Variants in ADGRV1 observed in about 807,000 individuals in gnomAD.
ADGRV1 encodes adhesion G protein-coupled receptor V1, also known as G-protein coupled receptor 98.
A neutral mutation model predicts 596.2 loss-of-function variants in ADGRV1; 359 were observed. That is an observed-to-expected ratio of 0.60 (90% CI 0.55 to 0.66). The LOEUF (loss-of-function observed/expected upper bound fraction) is 0.66, where lower values mean the gene tolerates loss of function less well. Ranked by LOEUF, ADGRV1 falls within the 30% of genes least tolerant of loss-of-function variation. ADGRV1 has a pLI of 0.00. For missense variants in ADGRV1, 7,274 were observed against 7,575.6 expected, an observed-to-expected ratio of 0.96 and a Z score of 1.48; for synonymous variants, 2,681 against 2,679.2, an observed-to-expected ratio of 1.00 and a Z score of -0.02.
intron 21 of ADGRV1, among the ~76,000 whole-genome samples, chr5:90,659,345 G>A (rs555735190): frequency 2.8e-4 from 42 of 152,220 alleles, no homozygotes; most frequent in Admixed American, 8.5e-4. Flanking sequence ...ATATAGGTGC[G>A]TTATTAACCA....
chr5:90,869,306 A>G (rs1375860884), intron 83 of ADGRV1, among the ~76,000 whole-genome samples: 1 of 152,192 alleles, frequency 6.6e-6, no homozygotes, highest in Non-Finnish European at 1.5e-5. Flanking sequence ...GGCTGCTTTC[A>G]CTTGAGTAAG....
intron 89 of ADGRV1, among the ~76,000 whole-genome samples, chr5:91,154,347 A>C (rs1796293454): frequency 6.6e-6 from 1 of 152,240 alleles, no homozygotes; most frequent in African/African-American, 2.4e-5. Context: ...TTGGCTATGA[A>C]GTATATTGCT....
At chr5:90,786,052 C>T (rs2945806) in intron 67 of ADGRV1, among the ~76,000 whole-genome samples, 25,193 of 152,020 alleles carry the variant, frequency 0.17, 4,728 homozygotes, top group African/African-American at 0.46. Context: ...ACATATACAC[C>T]ATGGAATACT....
At chr5:90,881,805 G>A (rs1270272557) in intron 83 of ADGRV1, among the ~76,000 whole-genome samples, 1 of 152,072 alleles carries the variant, frequency 6.6e-6, no homozygotes, top group East Asian at 1.9e-4. Flanking sequence ...GATTATTGCA[G>A]CCTCAAATTC....
chr5:90,597,973 G>A (rs1311881138), intron 1 of ADGRV1, among the ~76,000 whole-genome samples: 1 of 152,074 alleles, frequency 6.6e-6, no homozygotes, highest in African/African-American at 2.4e-5. Context: ...AATATTGATG[G>A]GGAATCTGAT....
At chr5:90,963,426 T>C (rs1331894809) in intron 83 of ADGRV1, among the ~76,000 whole-genome samples, 1 of 152,084 alleles carries the variant, frequency 6.6e-6, no homozygotes, top group Admixed American at 6.5e-5. Flanking sequence ...TAATCTCTAA[T>C]AATTCAAAAG....
chr5:90,716,757 G>A, intron 43 of ADGRV1, 28 bp downstream of exon 43: 1 of 1,541,014 alleles, frequency 6.5e-7, no homozygotes, highest in Non-Finnish European at 8.9e-7. Context: ...AATGAGAATG[G>A]AAGTTTATCT....
intron 71 of ADGRV1, among the ~76,000 whole-genome samples, chr5:90,804,271 A>G (rs768646094): frequency 4.6e-5 from 7 of 152,128 alleles, no homozygotes; most frequent in Non-Finnish European, 8.8e-5. Flanking sequence ...ATGTGGTGGC[A>G]TATGCCTGCA....
intron 9 of ADGRV1, chr5:90,629,851 C>T (rs760216091): frequency 2.6e-5 from 5 of 193,352 alleles, no homozygotes; most frequent in Non-Finnish European, 5.3e-5. Context: ...CAAACTATTA[C>T]AGGGGAGGGC....
At chr5:90,707,283 G>C (rs1218058543) in intron 38 of ADGRV1, among the ~76,000 whole-genome samples, 1 of 152,092 alleles carries the variant, frequency 6.6e-6, no homozygotes, top group Non-Finnish European at 1.5e-5. Context: ...AGTTCCAAGA[G>C]GTTTATAAAA....
At chr5:91,075,663 A>C (rs1020242034) in intron 86 of ADGRV1, among the ~76,000 whole-genome samples, 3 of 152,156 alleles carry the variant, frequency 2.0e-5, no homozygotes, top group African/African-American at 7.2e-5. Flanking sequence ...TTATACTTGG[A>C]CTTCCACAGC....
intron 83 of ADGRV1, among the ~76,000 whole-genome samples, chr5:90,896,132 G>A (rs373324539): frequency 2.6e-5 from 4 of 151,700 alleles, no homozygotes; most frequent in East Asian, 1.9e-4. Flanking sequence ...TAATTTAAAT[G>A]CAATAGATCT....
At chr5:91,122,102 ATTTCTGGTACTTTCCTCTTC>A (rs1403324624) in intron 87 of ADGRV1, among the ~76,000 whole-genome samples, 3 of 152,186 alleles carry the variant, frequency 2.0e-5, no homozygotes, top group Admixed American at 6.5e-5. Flanking sequence ...AAATTAGTGA[ATTTCTGGTACTTTCCTCTTC>A]TTTCTGGGTC....
At chr5:90,935,260 T>C (rs1775578016) in intron 83 of ADGRV1, among the ~76,000 whole-genome samples, 1 of 152,244 alleles carries the variant, frequency 6.6e-6, no homozygotes, top group South Asian at 2.1e-4. Context: ...TCAGCTCTAA[T>C]GTTTGTCAAA....
At chr5:91,077,063 T>C (rs1339621412) in intron 86 of ADGRV1, among the ~76,000 whole-genome samples, 1 of 152,188 alleles carries the variant, frequency 6.6e-6, no homozygotes. Context: ...TGCTGACTTG[T>C]AAAATATCCA....
rs538600670 is a variant in ADGRV1, at chr5:90,608,369, A to G, written c.23-6466A>G. ...CAAGAATAAACTAATTCCAAGATGCATCATTCTGAAGTTTCAGAACACTTT... is the reference window on the plus strand; with the variant it reads ...CAAGAATAAACTAATTCCAAGATGCGTCATTCTGAAGTTTCAGAACACTTT... On this transcript the variant is annotated intron_variant, in intron 1 of 89. Coordinates refer to ENST00000405460, the MANE Select transcript of ADGRV1 (RefSeq NM_032119.4). Among the ~76,000 whole-genome samples the G allele has an allele frequency of 9.2e-5, 14 of 152,222 alleles. No individual in the cohort carries two copies. In the South Asian group the frequency reaches 2.9e-3, roughly 32 times the overall value.
At chr5:90,745,351 G>A (rs1417173073) in intron 51 of ADGRV1, 86 bp downstream of exon 51, 51 of 890,624 alleles carry the variant, frequency 5.7e-5, no homozygotes, top group Non-Finnish European at 8.3e-5. Context: ...TTTGGTGACT[G>A]AAAAATATAC....
intron 5 of ADGRV1, among the ~76,000 whole-genome samples, chr5:90,624,833 A>G (rs1764526971): frequency 6.6e-6 from 1 of 152,072 alleles, no homozygotes; most frequent in Non-Finnish European, 1.5e-5. Context: ...ACTAATCTTG[A>G]ATACCCTTTC....
intron 34 of ADGRV1, among the ~76,000 whole-genome samples, chr5:90,703,117 A>G (rs1010362218): frequency 6.6e-6 from 1 of 152,074 alleles, no homozygotes; most frequent in African/African-American, 2.4e-5. Context: ...AAAGTTACAG[A>G]TGTTGATGTA....
Sources: gnomAD v4.1 joint callset for allele counts (sites outside exome capture counted in the v4.1 genomes callset) on GRCh38, gnomAD v4.1.1 for gene constraint, MANE v1.5 for transcripts, NCBI Gene and HGNC (gene_info 2026-07-23, HGNC 2026-07-21) for gene names.